Variants in TSC1 observed in about 807,000 individuals in gnomAD.
TSC1 encodes hamartin.
A neutral mutation model predicts 124.3 loss-of-function variants in TSC1; 20 were observed. The ratio of observed to expected loss-of-function variants is 0.16; its 90% confidence interval spans 0.11 to 0.23. TSC1 has a LOEUF of 0.23. Ranked by LOEUF, TSC1 falls within the 10% of genes least tolerant of loss-of-function variation. TSC1 has a pLI of 1.00. For synonymous variants in TSC1, 493 were observed against 539.1 expected (o/e 0.91, Z 1.19); for missense variants, 1,124 against 1,448.5 (o/e 0.78, Z 3.64).
At position 132,894,088 on chromosome 9, in the gene TSC1, T is replaced by C. The variant is rs948505403; in HGVS notation, c.*2147A>G. 1.3e-5 allele frequency: 3 copies of C among 233,500 alleles called. No homozygotes were observed. Among genetic ancestry groups the C allele is most frequent in the Middle Eastern group, 1.2e-3 (1 of 808 alleles). 14.5% of individuals were successfully genotyped at this position (233,500 alleles called of 1,614,324 possible). A position where few individuals can be genotyped will look rare whatever the true frequency, so the allele number is the denominator to read the frequency against. On this transcript the variant is annotated 3_prime_UTR_variant, in exon 23 of 23. Coordinates refer to ENST00000298552, the MANE Select transcript of TSC1 (RefSeq NM_000368.5). ...CTTGGAGCCACATTTGTTATAAAGC[T>C]GAGTAAAAGGACACCCAGGCCGCAT...
chr9:132,893,667 G>GA lies in TSC1; in HGVS notation c.*2567dup, dbSNP rs1253659674. 4.3e-6 allele frequency: 1 copy of GA among 233,122 alleles called. No individual in the cohort carries two copies. Among genetic ancestry groups the GA allele is most frequent in the East Asian group, 6.0e-5 (1 of 16,604 alleles). The allele number at this position is 233,122 out of a possible 1,614,324, so 14.4% of individuals were successfully genotyped here. ...GGTTATGCACATTGGCCAAACAGCT[G>GA]AGACAGGTATGCTCACCCATAGTGA... On this transcript the variant is annotated 3_prime_UTR_variant, in exon 23 of 23. Coordinates refer to ENST00000298552, the MANE Select transcript of TSC1 (RefSeq NM_000368.5).
chr9:132,929,021 C>A, intron 2 of TSC1, 69 bp from the exon 3 acceptor site: 1 of 1,379,268 alleles, frequency 7.3e-7, no homozygotes, highest in South Asian at 1.3e-5. Context: ...AAAATACCTG[C>A]AAGACAAACT....
At chr9:132,917,702 C>T (rs1376223618) in intron 8 of TSC1, among the ~76,000 whole-genome samples, 2 of 152,180 alleles carry the variant, frequency 1.3e-5, no homozygotes, top group African/African-American at 4.8e-5. Flanking sequence ...AATCTCTGTT[C>T]TGCTCATATT....
At chr9:132,931,410 G>A (rs1208991889) in intron 2 of TSC1, 1 of 152,138 alleles carries the variant, frequency 6.6e-6, no homozygotes. Context: ...TTTTCCATTT[G>A]CAAAGTAAGG....
At chr9:132,910,973 T>G (rs914818615) in intron 11 of TSC1, 29 bp downstream of exon 11, 1 of 1,601,950 alleles carries the variant, frequency 6.2e-7, no homozygotes, top group African/African-American at 1.3e-5. Flanking sequence ...CAAAACCAAC[T>G]AATCAAATCC....
rs1410395042 is a variant in TSC1, at chr9:132,902,377, AT to A, written c.2391+227del. Reference sequence around the variant, plus strand: ...TTTCCTTTTGGCTGCAGAAAAAAAAATGACTGAGACACTAAGGGAGCTACTA... The same window carrying A: ...TTTCCTTTTGGCTGCAGAAAAAAAAAGACTGAGACACTAAGGGAGCTACTA... On this transcript the variant is annotated intron_variant, in intron 18 of 22. Transcript: ENST00000298552. The surrounding 1 kb of genome is among the most constrained non-coding windows in gnomAD (Gnocchi z 5.2). Among the ~76,000 whole-genome samples the A allele has an allele frequency of 6.6e-6, 1 of 152,226 alleles. No individual in the cohort carries two copies. Among genetic ancestry groups the A allele is most frequent in the Admixed American group, 6.5e-5 (1 of 15,282 alleles).
rs116469512 is a variant in TSC1, at chr9:132,935,250, C to T, written c.-143-155G>A. Among the ~76,000 whole-genome samples, 237 of 152,340 alleles carry T rather than the reference C, an allele frequency of 1.6e-3. 1 individual carries two copies. The highest frequency in any genetic ancestry group is 4.2e-3 in the African/African-American group (174 of 41,576). The stretch of plus-strand genomic sequence containing the variant: ...TGAACACTCATAATCATTGGAAGCA[C>T]GTGCCTCTCCCCGTCTACATTTCTG... On this transcript the variant is annotated intron_variant, in intron 1 of 22. Coordinates refer to ENST00000298552, the MANE Select transcript of TSC1 (RefSeq NM_000368.5).
Position 132,893,323 on chromosome 9 carries a change from C to A in TSC1, c.*2912G>T. 4.3e-6 allele frequency: 1 copy of A among 233,230 alleles called. No homozygotes were observed. The highest frequency in any genetic ancestry group is 8.5e-6 in the Non-Finnish European group (1 of 118,032). The allele number at this position is 233,230 out of a possible 1,614,324, so 14.4% of individuals were successfully genotyped here. On this transcript the variant is annotated 3_prime_UTR_variant, in exon 23 of 23. Coordinates refer to ENST00000298552, the MANE Select transcript of TSC1 (RefSeq NM_000368.5). ...TCTCCATCTAAGAAATGACCTTGACCTTCCTACCTTTGGGTTTGTTTTTTT... is the reference window on the plus strand; with the variant it reads ...TCTCCATCTAAGAAATGACCTTGACATTCCTACCTTTGGGTTTGTTTTTTT...
At chr9:132,926,937 A>G (rs1846898613) in intron 4 of TSC1, 1 of 424,044 alleles carries the variant, frequency 2.4e-6, no homozygotes, top group Admixed American at 3.5e-5. Context: ...TCGGCCTCCT[A>G]AGGGGATTAC....
chr9:132,925,354 T>A (rs1846794121), intron 5 of TSC1, among the ~76,000 whole-genome samples: 1 of 152,184 alleles, frequency 6.6e-6, no homozygotes. Flanking sequence ...ATTGAACCCA[T>A]CTGATCGAAA....
At position 132,902,898 on chromosome 9, in the gene TSC1, T is replaced by C; in HGVS notation, c.2209-111A>G. 1.4e-6 allele frequency: 2 copies of C among 1,400,498 alleles called. No homozygotes were observed. The highest frequency in any genetic ancestry group is 2.0e-6 in the Non-Finnish European group (2 of 999,728). The allele number at this position is 1,400,498 out of a possible 1,614,324, so 86.8% of individuals were successfully genotyped here. On this transcript the variant is annotated intron_variant, in intron 17 of 22. Coordinates refer to ENST00000298552, the MANE Select transcript of TSC1 (RefSeq NM_000368.5). The surrounding 1 kb of genome is among the most constrained non-coding windows in gnomAD (Gnocchi z 5.2). ...TCATAAGCTACCCTGAAAATGTAAC[T>C]AACTACAGACCAAAACTCTTAGAGC...
chr9:132,940,763 CA>C (rs1278779985), intron 1 of TSC1: 4 of 152,176 alleles, frequency 2.6e-5, no homozygotes, highest in Admixed American at 2.0e-4. Context: ...TTTATTATAA[CA>C]ATATTACTAC....
At chr9:132,940,957 C>T (rs1436913202) in intron 1 of TSC1, 1 of 152,126 alleles carries the variant, frequency 6.6e-6, no homozygotes, top group Non-Finnish European at 1.5e-5. Context: ...AGGTCACTGC[C>T]TCTGTTCTTC....
At chr9:132,920,139 C>T (rs538173996) in intron 8 of TSC1, among the ~76,000 whole-genome samples, 1 of 152,316 alleles carries the variant, frequency 6.6e-6, no homozygotes, top group South Asian at 2.1e-4. Flanking sequence ...TGACCTTGTG[C>T]ACTGACTTCC....
rs35234317 is a variant in TSC1 at position 132,908,901 on chromosome 9, C to CTTTTTTTTTTTTTTTTTTTTTTTTT, written c.1264-1532_1264-1531insAAAAAAAAAAAAAAAAAAAAAAAAA. Among the ~76,000 whole-genome samples the CTTTTTTTTTTTTTTTTTTTTTTTTT allele has an allele frequency of 1.0e-3, 121 of 121,500 alleles. 12 individuals carry two copies. Among genetic ancestry groups the CTTTTTTTTTTTTTTTTTTTTTTTTT allele is most frequent in the African/African-American group, 2.7e-3 (82 of 30,134 alleles). The allele number at this position is 121,500 out of a possible 152,430, so 79.7% of individuals were successfully genotyped here. A position where few individuals can be genotyped will look rare whatever the true frequency, so the allele number is the denominator to read the frequency against. On this transcript the variant is annotated intron_variant, in intron 12 of 22. Coordinates refer to ENST00000298552, the MANE Select transcript of TSC1 (RefSeq NM_000368.5). ...TTAAAACCCACTAGTCTACCTTGCA[C>CTTTTTTTTTTTTTTTTTTTTTTTTT]TTTTTTTTTTTTTTTTTGTGACAGT...
At position 132,906,638 on chromosome 9, in the gene TSC1, C is replaced by T; in HGVS notation, c.1438+93G>A. 8.9e-7 allele frequency: 1 copy of T among 1,123,450 alleles called. No homozygotes were observed. Among genetic ancestry groups the T allele is most frequent in the South Asian group, 1.3e-5 (1 of 75,212 alleles). 69.6% of individuals were successfully genotyped at this position (1,123,450 alleles called of 1,614,324 possible). On this transcript the variant is annotated intron_variant, in intron 14 of 22. Transcript: ENST00000298552. This position sits in a 1 kb window ranked among gnomAD's most constrained non-coding sequence, Gnocchi z 4.1. Reference sequence around the variant, plus strand: ...CTTGTTACCTCAAGAGAAGAAAAATCCAGCAAGCCTGTGAGCAATGGCACA... The same window carrying T: ...CTTGTTACCTCAAGAGAAGAAAAATTCAGCAAGCCTGTGAGCAATGGCACA...
rs1844768023 is a variant in TSC1 at position 132,891,444 on chromosome 9, G to GGAATGGGA, written c.*4790_*4791insTCCCATTC. 1 of 233,470 alleles carries GGAATGGGA rather than the reference G, an allele frequency of 4.3e-6. No individual in the cohort carries two copies. Among genetic ancestry groups the GGAATGGGA allele is most frequent in the Non-Finnish European group, 8.5e-6 (1 of 117,918 alleles). The allele number at this position is 233,470 out of a possible 1,614,324, so 14.5% of individuals were successfully genotyped here. ...TCTAAGAAGGACAGCAAACTCTTTT[G>GGAATGGGA]ATTCCAATTCCCATTCACTAAGATT... On this transcript the variant is annotated 3_prime_UTR_variant, in exon 23 of 23. Transcript: ENST00000298552.
chr9:132,896,285 C>T lies in TSC1; in HGVS notation c.3445G>A (p.Gly1149Arg), dbSNP rs2131586970. 6.2e-7 allele frequency: 1 copy of T among 1,614,166 alleles called. No individual in the cohort carries two copies. Among genetic ancestry groups the T allele is most frequent in the Non-Finnish European group, 8.5e-7 (1 of 1,180,042 alleles). Reference sequence around the variant, plus strand: ...TTGTAGTCCATGATATGTAGCTGTCCAACACTGTCCGGGGTCGGGGGAGAC... The same window carrying T: ...TTGTAGTCCATGATATGTAGCTGTCTAACACTGTCCGGGGTCGGGGGAGAC... ...HPSPPTPDSV[G>R]QLHIMDYNET... Residue 1149 changes from glycine to arginine, a missense_variant, in exon 23 of 23, where the codon GGA (glycine) becomes AGA (arginine). Transcript: ENST00000298552. This position sits in a 1 kb window ranked among gnomAD's most constrained non-coding sequence, Gnocchi z 4.5.
chr9:132,906,105 TGTG>T lies in TSC1; in HGVS notation c.1470_1472del (p.Thr491del), dbSNP rs1554816071. The T allele has an allele frequency of 3.1e-6, 5 of 1,613,616 alleles. No individual in the cohort carries two copies. Among genetic ancestry groups the T allele is most frequent in the Non-Finnish European group, 4.2e-6 (5 of 1,179,914 alleles). ...GAGGAACCACAGGCTCTGCCTCTGC[TGTG>T]GTGATCTCAGAAAGTTCTCTAGATA... On this transcript the variant is annotated inframe_deletion, in exon 15 of 23. Coordinates refer to ENST00000298552, the MANE Select transcript of TSC1 (RefSeq NM_000368.5). This position sits in a 1 kb window ranked among gnomAD's most constrained non-coding sequence, Gnocchi z 4.1.
Sources: allele counts gnomAD v4.1 joint callset (sites outside exome capture counted in the v4.1 genomes callset), GRCh38; gene constraint gnomAD v4.1.1; non-coding constraint Gnocchi (gnomAD v3.1); transcripts MANE v1.5; gene names NCBI Gene and HGNC (gene_info 2026-07-23, HGNC 2026-07-21).